The following FSIP2 variants were observed in gnomAD, a reference collection of about 807,000 sequenced individuals.
FSIP2 encodes the protein fibrous sheath-interacting protein 2.
Under a neutral mutation model 510.5 loss-of-function variants are expected in FSIP2, and 367 were observed. That is an observed-to-expected ratio of 0.72 (90% CI 0.66 to 0.78). The LOEUF (loss-of-function observed/expected upper bound fraction) is 0.78, where lower values mean the gene tolerates loss of function less well. FSIP2 is among the 30% of genes least tolerant of loss of function. FSIP2 has a pLI of 0.00. For synonymous variants in FSIP2, 2,601 were observed against 2,732.2 expected, an observed-to-expected ratio of 0.95 and a Z score of 1.50; for missense variants, 7,594 against 7,901.7, an observed-to-expected ratio of 0.96 and a Z score of 1.48.
chr2:185,818,525 T>C (rs965499121), intron 19 of FSIP2, among the ~76,000 whole-genome samples: 3 of 151,826 alleles, frequency 2.0e-5, no homozygotes, highest in African/African-American at 7.2e-5. Context: ...AGACACATAA[T>C]AATCAAACTG....
chr2:185,764,705 G>T, intron 13 of FSIP2, 140 bp downstream of exon 13: 1 of 604,934 alleles, frequency 1.7e-6, no homozygotes, highest in South Asian at 2.0e-5. Context: ...TTTTGCTCAG[G>T]GTTCTTACAG....
At position 185,796,468 on chromosome 2, in the gene FSIP2, T is replaced by C. The variant is rs759092645; in HGVS notation, c.9332T>C (p.Ile3111Thr). 1.3e-6 allele frequency: 2 copies of C among 1,535,002 alleles called. No homozygotes were observed. Residue 3111 changes from isoleucine to threonine, a missense_variant, in exon 16 of 23, where the codon ATA (isoleucine) becomes ACA (threonine). By Grantham distance (89) the Ile-to-Thr change is moderately conservative (BLOSUM62 -1). Coordinates refer to ENST00000424728, the MANE Select transcript of FSIP2 (RefSeq NM_173651.4). Reference sequence around the variant, plus strand: ...CAAATGGAACCATCTTCAATTAGCATATTGAAAGAGAACATTGTAGCAAGT... The same window carrying C: ...CAAATGGAACCATCTTCAATTAGCACATTGAAAGAGAACATTGTAGCAAGT... ...ISQMEPSSIS[I>T]LKENIVASEI...
chr2:185,773,851 A>T (rs761628370), intron 13 of FSIP2, among the ~76,000 whole-genome samples: 2 of 152,142 alleles, frequency 1.3e-5, no homozygotes, highest in African/African-American at 4.8e-5. Flanking sequence ...TTTTACTGCT[A>T]TGCTATTGTT....
rs765039156 is a variant in FSIP2, at chr2:185,771,509, TG to T, written c.1411+6947del. ...CCACAGTGGCATCCCAAATTGTACC[TG>T]GGCCCTTTGAGCTGAGGCTGGAGCT... is the stretch of plus-strand genomic sequence containing the variant. On this transcript the variant is annotated intron_variant, in intron 13 of 22. Transcript: ENST00000424728. Among the ~76,000 whole-genome samples the T allele has an allele frequency of 2.0e-5, 3 of 152,206 alleles. No individual in the cohort carries two copies. In the East Asian group the frequency reaches 5.8e-4, roughly 29 times the overall value.
At chr2:185,776,709 A>C (rs567098837) in intron 13 of FSIP2, among the ~76,000 whole-genome samples, 3 of 152,120 alleles carry the variant, frequency 2.0e-5, no homozygotes, top group East Asian at 3.9e-4. Context: ...AAATAAGTCT[A>C]TTTTCTGTCT....
chr2:185,827,381 T>C (rs1694032391), intron 20 of FSIP2, among the ~76,000 whole-genome samples: 1 of 151,800 alleles, frequency 6.6e-6, no homozygotes, highest in Non-Finnish European at 1.5e-5. Flanking sequence ...TCTTGAGAAA[T>C]AGCCAAGGAA....
At position 185,794,244 on chromosome 2, in the gene FSIP2, G is replaced by T. The variant is rs1693213180; in HGVS notation, c.7108G>T (p.Glu2370Ter). Residue 2370 changes from glutamate to a stop codon, truncating the protein, a stop_gained, in exon 16 of 23, where the codon GAA becomes TAA. Coordinates refer to ENST00000424728, the MANE Select transcript of FSIP2 (RefSeq NM_173651.4). LOFTEE classifies it high-confidence loss of function. ...GCTTATTAAAAATGACTTAGACTTA[G>T]AAATTCAAAAGATATATCCATATCA... The part of the protein sequence containing the change: ...LKLIKNDLDL[E>*]IQKIYPYQNN... 1 of 1,533,762 alleles carries T rather than the reference G, an allele frequency of 6.5e-7. No individual in the cohort carries two copies. Among genetic ancestry groups the T allele is most frequent in the African/African-American group, 1.4e-5 (1 of 72,840 alleles).
chr2:185,826,600 TTC>T (rs1694015673), intron 20 of FSIP2, among the ~76,000 whole-genome samples: 1 of 151,806 alleles, frequency 6.6e-6, no homozygotes, highest in African/African-American at 2.4e-5. Flanking sequence ...GGATAAAACT[TTC>T]TGTTATACTG....
rs770647805 is a variant in FSIP2, at chr2:185,796,824, G to C, written c.9688G>C (p.Glu3230Gln). The change falls in exon 16 of 23, where the codon GAA (glutamate) becomes CAA (glutamine). Residue 3230 changes from glutamate (E) to glutamine (Q), a missense_variant. Physicochemically the swap from Glu to Gln is conservative, Grantham distance 29. Coordinates refer to ENST00000424728, the MANE Select transcript of FSIP2 (RefSeq NM_173651.4). The part of the protein sequence containing the change: ...NSEPTKRPDS[E>Q]TMPSCSTRNK... ...AGAGCCAACGAAAAGGCCTGATTCAGAAACTATGCCATCGTGTTCTACTAG... is the reference window on the plus strand; with the variant it reads ...AGAGCCAACGAAAAGGCCTGATTCACAAACTATGCCATCGTGTTCTACTAG... 1.3e-6 allele frequency: 2 copies of C among 1,535,160 alleles called. No individual in the cohort carries two copies. The highest frequency in any genetic ancestry group is 2.4e-5 in the South Asian group (2 of 84,030).
At position 185,789,003 on chromosome 2, in the gene FSIP2, A is replaced by C. The variant is rs1358364417; in HGVS notation, c.1867A>C (p.Ile623Leu). 1 of 1,534,054 alleles carries C rather than the reference A, an allele frequency of 6.5e-7. No individual in the cohort carries two copies. The highest frequency in any genetic ancestry group is 8.7e-7 in the Non-Finnish European group (1 of 1,145,504). ...KTCHIKGQSI[I>L]SKHKYNKTNL... Reference sequence around the variant, plus strand: ...ATGTCACATAAAAGGACAATCTATAATCTCTAAACATAAATATAATAAAAC... The same window carrying C: ...ATGTCACATAAAAGGACAATCTATACTCTCTAAACATAAATATAATAAAAC... Residue 623 changes from isoleucine (I) to leucine (L), a missense_variant, in exon 16 of 23, where the codon ATC (isoleucine) becomes CTC (leucine). By Grantham distance (5) the Ile-to-Leu change is conservative. Transcript: ENST00000424728.
In FSIP2 at chr2:185,792,180, G is replaced by A; in HGVS notation, c.5044G>A (p.Val1682Ile). 6.5e-7 allele frequency: 1 copy of A among 1,531,786 alleles called. No homozygotes were observed. Among genetic ancestry groups the A allele is most frequent in the Admixed American group, 2.0e-5 (1 of 50,544 alleles). The allele number at this position is 1,531,786 out of a possible 1,614,324, so 94.9% of individuals were successfully genotyped here. ...ACCTGAGACTCAAATACTTAAGTAT[G>A]TAGTCAAGTTAATTTTAGATGCAGT... ...PPPETQILKY[V>I]VKLILDAVSS... The change falls in exon 16 of 23, where the codon GTA (valine) becomes ATA (isoleucine). Residue 1682 changes from valine (V) to isoleucine (I), a missense_variant. Coordinates refer to ENST00000424728, the MANE Select transcript of FSIP2 (RefSeq NM_173651.4).
intron 8 of FSIP2, among the ~76,000 whole-genome samples, chr2:185,755,819 T>C (rs1472122543): frequency 6.6e-6 from 1 of 151,576 alleles, no homozygotes; most frequent in Non-Finnish European, 1.5e-5. Context: ...CATTTGCTTA[T>C]GCCAGGCAGC....
At position 185,801,202 on chromosome 2, in the gene FSIP2, A is replaced by G; in HGVS notation, c.11896A>G (p.Ile3966Val). The G allele has an allele frequency of 1.3e-6, 2 of 1,534,280 alleles. No homozygotes were observed. The highest frequency in any genetic ancestry group is 1.7e-6 in the Non-Finnish European group (2 of 1,145,588). Reference protein sequence around the residue: ...AIHNKLHQEGIYAGVYSATFL... With the variant: ...AIHNKLHQEGVYAGVYSATFL... ...TCATAATAAGCTACATCAGGAAGGT[A>G]TATATGCTGGTGTTTATTCAGCCAC... The change falls in exon 17 of 23, where the codon ATA becomes GTA. Residue 3966 changes from isoleucine to valine, a missense_variant. Transcript: ENST00000424728.
intron 8 of FSIP2, among the ~76,000 whole-genome samples, chr2:185,755,240 A>G (rs1329335772): frequency 6.6e-6 from 1 of 151,302 alleles, no homozygotes; most frequent in Non-Finnish European, 1.5e-5. Context: ...ATAATAGTAA[A>G]CTCCCACCTT....
At chr2:185,767,620 CT>C (rs1280992949) in intron 13 of FSIP2, among the ~76,000 whole-genome samples, 1 of 152,052 alleles carries the variant, frequency 6.6e-6, no homozygotes, top group Non-Finnish European at 1.5e-5. Context: ...GCAGGATTTC[CT>C]TTGTTTGAAA....
In FSIP2 at chr2:185,804,138, C is replaced by T; in HGVS notation, c.14832C>T (p.Asn4944=). 1.3e-6 allele frequency: 2 copies of T among 1,513,330 alleles called. No homozygotes were observed. The highest frequency in any genetic ancestry group is 1.3e-5 in the South Asian group (1 of 79,726). 93.7% of individuals were successfully genotyped at this position (1,513,330 alleles called of 1,614,324 possible). The change falls in exon 17 of 23, where the codon AAC becomes AAT. Residue 4944 remains asparagine, a synonymous_variant. Coordinates refer to ENST00000424728, the MANE Select transcript of FSIP2 (RefSeq NM_173651.4). The part of the protein sequence containing the change: ...PKQRELSFIV[N]SSVFLEEVIS... ...AAAGAGAATTATCTTTTATTGTGAA[C>T]TCATCTGTCTTTTTGGAGGAAGTAA...
rs747049310 is a variant in FSIP2 at position 185,739,373 on chromosome 2, G to T, written c.127G>T (p.Val43Phe). 1 of 1,534,820 alleles carries T rather than the reference G, an allele frequency of 6.5e-7. No individual in the cohort carries two copies. The highest frequency in any genetic ancestry group is 8.7e-7 in the Non-Finnish European group (1 of 1,146,420). ...CGTGCACAAAACCCACTTTGCAGGGGTTGGACCGGCTCAGCTACTGGACCT... is the reference window on the plus strand; with the variant it reads ...CGTGCACAAAACCCACTTTGCAGGGTTTGGACCGGCTCAGCTACTGGACCT... ...DGVHKTHFAG[V>F]GPAQLLDLPL... Residue 43 changes from valine to phenylalanine, a missense_variant, in exon 2 of 23, where the codon GTT (valine) becomes TTT (phenylalanine). Val to Phe is a conservative substitution (Grantham distance 50). Transcript: ENST00000424728.
At chr2:185,815,600 C>T in intron 19 of FSIP2, 129 bp downstream of exon 19, 1 of 504,566 alleles carries the variant, frequency 2.0e-6, no homozygotes, top group Non-Finnish European at 3.5e-6. Context: ...TTCTTCCCTT[C>T]AGTGGCACCC....
At chr2:185,751,461 C>CTGTGTGTG (rs56395901) in intron 7 of FSIP2, among the ~76,000 whole-genome samples, 17,844 of 135,606 alleles carry the variant, frequency 0.13, 1,323 homozygotes, top group Admixed American at 0.19. Flanking sequence ...CTTTATTTTT[C>CTGTGTGTG]TGTGTGTGTG....
Sources: gnomAD v4.1 joint callset for allele counts (sites outside exome capture counted in the v4.1 genomes callset) on GRCh38, gnomAD v4.1.1 for gene constraint, MANE v1.5 for transcripts, NCBI Gene and HGNC (gene_info 2026-07-23, HGNC 2026-07-21) for gene names.